The following RPH3AL variants were observed in gnomAD, a reference collection of about 807,000 sequenced individuals.
RPH3AL encodes rabphilin 3A like (without C2 domains), also known as rab effector Noc2.
In RPH3AL, 38 loss-of-function variants were observed where a neutral mutation model predicts 43.1. That is an observed-to-expected ratio of 0.88 (90% CI 0.68 to 1.15). The LOEUF (loss-of-function observed/expected upper bound fraction) is 1.15, where lower values mean the gene tolerates loss of function less well. RPH3AL is among the 50% of genes most tolerant of loss of function. The pLI is 0.00. For missense variants in RPH3AL, 462 were observed against 423.2 expected (o/e 1.09, Z -0.81); for synonymous variants, 189 against 176.3 (o/e 1.07, Z -0.57).
chr17:311,662 G>A (rs773556966), intron 5 of RPH3AL, among the ~76,000 whole-genome samples: 4 of 152,200 alleles, frequency 2.6e-5, no homozygotes, highest in Non-Finnish European at 5.9e-5. Context: ...ACATTTATAC[G>A]AGTAACGAGA....
chr17:249,025 A>G (rs1383629404), intron 6 of RPH3AL, among the ~76,000 whole-genome samples: 3 of 152,174 alleles, frequency 2.0e-5, no homozygotes, highest in Non-Finnish European at 2.9e-5. Context: ...CCTCTCCAAC[A>G]GGAACAGAAA....
intron 6 of RPH3AL, among the ~76,000 whole-genome samples, chr17:251,210 G>A (rs1313910134): frequency 1.3e-5 from 2 of 152,230 alleles, no homozygotes; most frequent in African/African-American, 4.8e-5. Context: ...CCTGGAACCT[G>A]TCTGGTGGGA....
intron 5 of RPH3AL, among the ~76,000 whole-genome samples, chr17:293,120 A>G (rs905343045): frequency 6.6e-6 from 1 of 152,082 alleles, no homozygotes; most frequent in African/African-American, 2.4e-5. Flanking sequence ...AGCCTCTGAC[A>G]TGGCCTGGGG....
chr17:265,175 C>T (rs1597970167), intron 6 of RPH3AL, among the ~76,000 whole-genome samples: 1 of 152,214 alleles, frequency 6.6e-6, no homozygotes, highest in African/African-American at 2.4e-5. Flanking sequence ...CAACCTCCAC[C>T]TCCGAGGCTC....
intron 5 of RPH3AL, among the ~76,000 whole-genome samples, chr17:282,811 G>A (rs113348751): frequency 4.6e-4 from 70 of 152,314 alleles, no homozygotes; most frequent in Non-Finnish European, 8.5e-4. Flanking sequence ...TTACTGTACC[G>A]AAGGCTGCAG....
chr17:221,721 C>G (rs2040983634), intron 7 of RPH3AL, among the ~76,000 whole-genome samples: 1 of 132,346 alleles, frequency 7.6e-6, no homozygotes, highest in Non-Finnish European at 1.6e-5. Context: ...CACATCAGCT[C>G]TGAGGCCTCC....
intron 7 of RPH3AL, among the ~76,000 whole-genome samples, chr17:230,803 A>C (rs11150888): frequency 6.6e-6 from 1 of 151,952 alleles, no homozygotes; most frequent in African/African-American, 2.4e-5. Context: ...TGGGGCCTTC[A>C]CTGTTCTTCC....
intron 6 of RPH3AL, among the ~76,000 whole-genome samples, chr17:269,621 T>C (rs1442127511): frequency 6.6e-6 from 1 of 152,232 alleles, no homozygotes; most frequent in Non-Finnish European, 1.5e-5. Context: ...CTCTTCTCTC[T>C]AAGCTTCAGT....
intron 6 of RPH3AL, chr17:247,526 C>T (rs1555540702): frequency 1.6e-5 from 8 of 491,490 alleles, no homozygotes; most frequent in Non-Finnish European, 2.9e-5. Flanking sequence ...TGCTCTGCTG[C>T]CCAGGCTGGA....
intron 5 of RPH3AL, among the ~76,000 whole-genome samples, chr17:294,274 C>T (rs1310867075): frequency 2.8e-5 from 4 of 141,890 alleles, no homozygotes; most frequent in African/African-American, 1.1e-4. Context: ...CCAGCCTGGG[C>T]AACATAGCAA....
chr17:272,131 A>T (rs999974171), intron 6 of RPH3AL, among the ~76,000 whole-genome samples: 1 of 152,214 alleles, frequency 6.6e-6, no homozygotes, highest in African/African-American at 2.4e-5. Context: ...GATGTGGAGA[A>T]ATAGGAACAA....
intron 5 of RPH3AL, among the ~76,000 whole-genome samples, chr17:310,741 T>C (rs1358532392): frequency 2.6e-5 from 4 of 152,204 alleles, no homozygotes; most frequent in Non-Finnish European, 2.9e-5. Flanking sequence ...GGGATCCGCA[T>C]GGCTCCTGAC....
At chr17:301,702 G>A (rs549530900) in intron 5 of RPH3AL, among the ~76,000 whole-genome samples, 75 of 152,240 alleles carry the variant, frequency 4.9e-4, no homozygotes, top group Non-Finnish European at 9.1e-4. Flanking sequence ...GCCTCCCAAA[G>A]TCCTGGAATT....
chr17:327,436 G>C (rs1212085712), intron 3 of RPH3AL, 31 bp downstream of exon 3: 1 of 1,594,758 alleles, frequency 6.3e-7, no homozygotes, highest in Non-Finnish European at 8.6e-7. Flanking sequence ...CAGAAGGAAG[G>C]GACGGCCTGG....
intron 5 of RPH3AL, among the ~76,000 whole-genome samples, chr17:285,827 G>GCA (rs2042893184): frequency 6.6e-6 from 1 of 152,156 alleles, no homozygotes; most frequent in African/African-American, 2.4e-5. Context: ...CCCGACTGAT[G>GCA]CACTCATGTG....
intron 2 of RPH3AL, chr17:332,864 C>A: frequency 1.9e-6 from 1 of 525,976 alleles, no homozygotes; most frequent in Non-Finnish European, 3.0e-6. Flanking sequence ...CTCGGGCTGG[C>A]CGGCCCAGCA....
At chr17:265,386 G>C (rs1026446505) in intron 6 of RPH3AL, among the ~76,000 whole-genome samples, 12 of 152,330 alleles carry the variant, frequency 7.9e-5, no homozygotes, top group East Asian at 1.9e-4. Context: ...GCCTGGCCAA[G>C]AGATATTTTT....
At chr17:233,542 C>G (rs1042675894) in intron 7 of RPH3AL, among the ~76,000 whole-genome samples, 1 of 152,146 alleles carries the variant, frequency 6.6e-6, no homozygotes, top group Non-Finnish European at 1.5e-5. Context: ...GTTAGGAGTA[C>G]AGTCACACAG....
intron 2 of RPH3AL, chr17:332,062 G>T (rs1275508300): frequency 2.6e-6 from 1 of 377,870 alleles, no homozygotes; most frequent in Non-Finnish European, 5.1e-6. Context: ...AGGAGGTTTT[G>T]TGGACATGGT....
Sources: gnomAD v4.1 joint callset for allele counts (sites outside exome capture counted in the v4.1 genomes callset) on GRCh38, gnomAD v4.1.1 for gene constraint, MANE v1.5 for transcripts, NCBI Gene and HGNC (gene_info 2026-07-23, HGNC 2026-07-21) for gene names.